The following ZNF211 variants were observed in gnomAD, a reference collection of about 807,000 sequenced individuals.
The protein encoded by ZNF211 is zinc finger protein 211.
In ZNF211, 18 loss-of-function variants were observed where a neutral mutation model predicts 12.1. The ratio of observed to expected loss-of-function variants is 1.48; its 90% CI spans 1.03 to 2.20. The LOEUF (loss-of-function observed/expected upper bound fraction) is 2.20. ZNF211 is among the 30% of genes most tolerant of loss of function. The pLI is 0.00. For synonymous variants in ZNF211, 249 were observed against 246.0 expected (o/e 1.01, Z -0.11); for missense variants, 677 against 703.1 (o/e 0.96, Z 0.42).
chr19:57,636,066 G>C (rs1389134890), intron 3 of ZNF211, among the ~76,000 whole-genome samples: 1 of 151,850 alleles, frequency 6.6e-6, no homozygotes, highest in Non-Finnish European at 1.5e-5. Context: ...TTTTAAATTA[G>C]GTTTTATTAA....
chr19:57,634,068 G>A lies in ZNF211; in HGVS notation c.129+7G>A, dbSNP rs750378047. On this transcript the variant is annotated splice_region_variant and intron_variant, in intron 2 of 3. Coordinates refer to ENST00000240731, the MANE Select transcript of ZNF211 (RefSeq NM_006385.5). ...GCTTTTCAAACTTACACAGGTAAGT[G>A]GAGGTATCTCAGCCCCTCACTGGTC... is the stretch of plus-strand genomic sequence containing the variant. The A allele has an allele frequency of 4.5e-6, 7 of 1,567,684 alleles. No individual in the cohort carries two copies. Among genetic ancestry groups the A allele is most frequent in the Non-Finnish European group, 6.0e-6 (7 of 1,160,912 alleles).
rs539391366 is a variant in ZNF211 at position 57,641,505 on chromosome 19, C to G, written c.1058C>G (p.Pro353Arg). The change falls in exon 4 of 4, where the codon CCT becomes CGT. Residue 353 changes from proline (P) to arginine (R), a missense_variant. By Grantham distance (103) the Pro-to-Arg change is moderately radical. Coordinates refer to ENST00000240731, the MANE Select transcript of ZNF211 (RefSeq NM_006385.5). The stretch of plus-strand genomic sequence containing the variant: ...AGGAAAGTTCACACTGGAGAAAGGC[C>G]TTATGAATGTGGGGAATGTGGGAAA... ...SHRKVHTGER[P>R]YECGECGKSF... is the part of the protein sequence containing the mutation. 4.3e-6 allele frequency: 7 copies of G among 1,614,156 alleles called. No homozygotes were observed. Among genetic ancestry groups the G allele is most frequent in the Non-Finnish European group, 5.9e-6 (7 of 1,180,034 alleles).
At chr19:57,637,478 C>T (rs1433368298) in intron 3 of ZNF211, among the ~76,000 whole-genome samples, 1 of 152,126 alleles carries the variant, frequency 6.6e-6, no homozygotes, top group Non-Finnish European at 1.5e-5. Flanking sequence ...TGGTCTTAAG[C>T]TCCTGGCCGC....
intron 2 of ZNF211, 162 bp downstream of exon 2, chr19:57,634,223 C>G: frequency 1.4e-6 from 1 of 705,514 alleles, no homozygotes; most frequent in Admixed American, 3.5e-5. Context: ...GCCCTGAGTC[C>G]AGGCCAATGT....
At position 57,643,841 on chromosome 19, in the gene ZNF211, TAATAA is replaced by T. The variant is rs1257474241; in HGVS notation, c.*1664_*1668del. Among the ~76,000 whole-genome samples the T allele has an allele frequency of 4.6e-5, 7 of 152,214 alleles. No homozygotes were observed. The highest frequency in any genetic ancestry group is 1.4e-4 in the African/African-American group (6 of 41,452). On this transcript the variant is annotated 3_prime_UTR_variant, in exon 4 of 4. Coordinates refer to ENST00000240731, the MANE Select transcript of ZNF211 (RefSeq NM_006385.5). ...TATTTTCTATAATATATGATTTTAT[TAATAA>T]AATGTCTTTTTTTCCAGTTTCATTC...
rs1292529455 is a variant in ZNF211, at chr19:57,634,064, A to G, written c.129+3A>G. ...AGGTGCTTTTCAAACTTACACAGGTAAGTGGAGGTATCTCAGCCCCTCACT... is the reference window on the plus strand; with the variant it reads ...AGGTGCTTTTCAAACTTACACAGGTGAGTGGAGGTATCTCAGCCCCTCACT... On this transcript the variant is annotated splice_donor_region_variant and intron_variant, in intron 2 of 3. Transcript: ENST00000240731. 1.9e-6 allele frequency: 3 copies of G among 1,569,768 alleles called. No homozygotes were observed. Among genetic ancestry groups the G allele is most frequent in the Non-Finnish European group, 1.7e-6 (2 of 1,161,766 alleles).
At position 57,643,619 on chromosome 19, in the gene ZNF211, C is replaced by T. The variant is rs1983208726; in HGVS notation, c.*1438C>T. On this transcript the variant is annotated 3_prime_UTR_variant, in exon 4 of 4. Coordinates refer to ENST00000240731, the MANE Select transcript of ZNF211 (RefSeq NM_006385.5). ...CTGCCCACTGAGGCAAGGTGTCCCT[C>T]CAAGGTCATCAGGAAAGAGAGTTAA... Among the ~76,000 whole-genome samples the T allele has an allele frequency of 6.6e-6, 1 of 152,120 alleles. No individual in the cohort carries two copies. The highest frequency in any genetic ancestry group is 1.5e-5 in the Non-Finnish European group (1 of 68,014).
At chr19:57,638,008 C>T (rs1037446423) in intron 3 of ZNF211, among the ~76,000 whole-genome samples, 2 of 151,328 alleles carry the variant, frequency 1.3e-5, no homozygotes, top group Non-Finnish European at 2.9e-5. Flanking sequence ...AAGCAATTCT[C>T]CTGCCTTGGC....
chr19:57,636,668 T>C (rs2122182186), intron 3 of ZNF211, among the ~76,000 whole-genome samples: 1 of 152,350 alleles, frequency 6.6e-6, no homozygotes. Context: ...TTTCATCCTT[T>C]TCAAGATTGT....
intron 2 of ZNF211, chr19:57,634,263 G>A (rs1271239961): frequency 1.8e-6 from 1 of 551,592 alleles, no homozygotes; most frequent in Non-Finnish European, 3.0e-6. Context: ...TGGAAAGATG[G>A]GTGAAAATTT....
Position 57,633,213 on chromosome 19 carries a change from T to C in ZNF211, c.-134T>C. On this transcript the variant is annotated 5_prime_UTR_variant, in exon 1 of 4. Coordinates refer to ENST00000240731, the MANE Select transcript of ZNF211 (RefSeq NM_006385.5). ...TTCGCAGCGGTCATTTTGGCTGCCCTCCCGGAGGTCCGTTCTGTCTGTCAG... is the reference window on the plus strand; with the variant it reads ...TTCGCAGCGGTCATTTTGGCTGCCCCCCCGGAGGTCCGTTCTGTCTGTCAG... 3 of 902,306 alleles carry C rather than the reference T, an allele frequency of 3.3e-6. No individual in the cohort carries two copies. Among genetic ancestry groups the C allele is most frequent in the Non-Finnish European group, 4.7e-6 (3 of 635,336 alleles). 55.9% of individuals were successfully genotyped at this position (902,306 alleles called of 1,614,324 possible). A position where few individuals can be genotyped will look rare whatever the true frequency, so the allele number is the denominator to read the frequency against.
chr19:57,635,044 T>G (rs895111373), intron 3 of ZNF211: 3 of 784,332 alleles, frequency 3.8e-6, no homozygotes, highest in Non-Finnish European at 4.6e-6. Flanking sequence ...CAGTTTTCCC[T>G]CCCTTCGTGT....
intron 3 of ZNF211, among the ~76,000 whole-genome samples, chr19:57,635,286 T>C (rs1599955743): frequency 6.6e-6 from 1 of 152,240 alleles, no homozygotes; most frequent in East Asian, 1.9e-4. Context: ...TTAATCATTT[T>C]CAAGTATATA....
intron 3 of ZNF211, 56 bp downstream of exon 3, chr19:57,634,811 T>C (rs1981932267): frequency 1.4e-6 from 2 of 1,460,998 alleles, no homozygotes; most frequent in Non-Finnish European, 1.8e-6. Context: ...TTTCTCCTTT[T>C]CCTCAGGAGC....
intron 3 of ZNF211, among the ~76,000 whole-genome samples, chr19:57,635,714 T>G (rs1429512239): frequency 6.6e-6 from 1 of 152,220 alleles, no homozygotes; most frequent in African/African-American, 2.4e-5. Context: ...CAGATACGTA[T>G]TTGTGTCCTT....
At chr19:57,639,905 C>T (rs1247077967) in intron 3 of ZNF211, 3 of 1,532,636 alleles carry the variant, frequency 2.0e-6, no homozygotes, top group Non-Finnish European at 2.6e-6. Flanking sequence ...TCCTGTCTTT[C>T]CCTTAGGACT....
chr19:57,633,445 T>G lies in ZNF211; in HGVS notation c.90+9T>G. 1 of 1,592,478 alleles carries G rather than the reference T, an allele frequency of 6.3e-7. No homozygotes were observed. The highest frequency in any genetic ancestry group is 1.7e-5 in the Admixed American group (1 of 58,012). Reference sequence around the variant, plus strand: ...TGAGGGACCCGGCTTCGGTGAGCGCTGCGATCTCCGGGCCTCCCCCGGCCG... The same window carrying G: ...TGAGGGACCCGGCTTCGGTGAGCGCGGCGATCTCCGGGCCTCCCCCGGCCG... On this transcript the variant is annotated intron_variant, in intron 1 of 3. Coordinates refer to ENST00000240731, the MANE Select transcript of ZNF211 (RefSeq NM_006385.5).
chr19:57,640,645 T>G, intron 3 of ZNF211, 59 bp from the exon 4 acceptor site: 1 of 1,569,244 alleles, frequency 6.4e-7, no homozygotes, highest in Non-Finnish European at 8.6e-7. Flanking sequence ...CATTTGCAAT[T>G]GCATTGTCTC....
chr19:57,639,841 T>C (rs992521944), intron 3 of ZNF211: 17 of 1,413,772 alleles, frequency 1.2e-5, no homozygotes, highest in Middle Eastern at 3.8e-4. Flanking sequence ...TCTTTAACTT[T>C]CCTTGTTCTT....
Sources: gnomAD v4.1 joint callset for allele counts (sites outside exome capture counted in the v4.1 genomes callset) on GRCh38, gnomAD v4.1.1 for gene constraint, MANE v1.5 for transcripts, NCBI Gene and HGNC (gene_info 2026-07-23, HGNC 2026-07-21) for gene names.